ACY3: variants seen among roughly 807,000 people sequenced by gnomAD.
ACY3 encodes aminoacylase 3.
Under a neutral mutation model 24.6 loss-of-function variants are expected in ACY3, and 20 were observed. The observed-to-expected ratio is 0.81, with a 90% CI of 0.57 to 1.18. The LOEUF is 1.18. ACY3 is among the 50% of genes most tolerant of loss of function. The pLI is 0.00. For synonymous variants in ACY3, 174 were observed against 188.4 expected (o/e 0.92, Z 0.62); for missense variants, 423 against 426.8 (o/e 0.99, Z 0.08).
chr11:67,643,372 A>G (rs1028682410), intron 7 of ACY3, among the ~76,000 whole-genome samples: 1 of 152,262 alleles, frequency 6.6e-6, no homozygotes, highest in Non-Finnish European at 1.5e-5. Flanking sequence ...GGTAAGTACA[A>G]TATGATTCTT....
At position 67,650,625 on chromosome 11, in the gene ACY3, C is replaced by A. The variant is rs1855610378; in HGVS notation, c.-137G>T. 6.6e-6 allele frequency: 1 copy of A among 152,208 alleles called. No homozygotes were observed. The highest frequency in any genetic ancestry group is 6.5e-5 in the Admixed American group (1 of 15,280). The allele number at this position is 152,208 out of a possible 1,614,324, so 9.4% of individuals were successfully genotyped here. ...GTTGAGGGTGACTCCCGGGGATCTT[C>A]TGCTTGCTGCGTGGCCCGTGGGGCT... On this transcript the variant is annotated 5_prime_UTR_variant, in exon 1 of 8. Coordinates refer to ENST00000255082, the MANE Select transcript of ACY3 (RefSeq NM_080658.2).
At position 67,642,567 on chromosome 11, in the gene ACY3, C is replaced by T; in HGVS notation, c.*157G>A. The T allele has an allele frequency of 4.1e-6, 3 of 723,502 alleles. No individual in the cohort carries two copies. The highest frequency in any genetic ancestry group is 7.1e-6 in the Non-Finnish European group (3 of 421,020). The allele number at this position is 723,502 out of a possible 1,614,324, so 44.8% of individuals were successfully genotyped here. A position where few individuals can be genotyped will look rare whatever the true frequency, so the allele number is the denominator to read the frequency against. ...CAAACCATGGACCTCTGGACATCTT[C>T]CATTTTATAGAAAGGGAAATTGAGG... On this transcript the variant is annotated 3_prime_UTR_variant, in exon 8 of 8. Coordinates refer to ENST00000255082, the MANE Select transcript of ACY3 (RefSeq NM_080658.2).
In ACY3 at chr11:67,645,033, C is replaced by T. The variant is rs1855484032; in HGVS notation, c.634+12G>A. 1.9e-6 allele frequency: 3 copies of T among 1,613,346 alleles called. No individual in the cohort carries two copies. Among genetic ancestry groups the T allele is most frequent in the South Asian group, 1.1e-5 (1 of 91,086 alleles). On this transcript the variant is annotated intron_variant, in intron 6 of 7. Coordinates refer to ENST00000255082, the MANE Select transcript of ACY3 (RefSeq NM_080658.2). Reference sequence around the variant, plus strand: ...CCCGGACCTGTTTCCCGAAAGTCCCCTGGGGTCTCACCCTGGTTGAAGAGT... The same window carrying T: ...CCCGGACCTGTTTCCCGAAAGTCCCTTGGGGTCTCACCCTGGTTGAAGAGT...
chr11:67,646,010 T>C, intron 3 of ACY3, 123 bp from the exon 4 acceptor site: 2 of 959,750 alleles, frequency 2.1e-6, no homozygotes, highest in Non-Finnish European at 3.1e-6. Flanking sequence ...GGGCTTTCCC[T>C]TCAGACGTTG....
chr11:67,647,024 G>C lies in ACY3; in HGVS notation c.20C>G (p.Pro7Arg). ...AGCCACGCGACGCAGGGGCTCCCGG[G>C]GCACAGGCAGTGAGCACATGCTGGT... is the stretch of plus-strand genomic sequence containing the variant. MCSLPV[P>R]REPLRRVAVT... The change falls in exon 3 of 8, where the codon CCC (proline) becomes CGC (arginine). Residue 7 changes from proline to arginine, a missense_variant. Pro to Arg is a moderately radical substitution (Grantham distance 103). Transcript: ENST00000255082. The C allele has an allele frequency of 6.5e-7, 1 of 1,537,512 alleles. No individual in the cohort carries two copies.
intron 1 of ACY3, among the ~76,000 whole-genome samples, chr11:67,648,419 G>C (rs75228064): frequency 0.1 from 15,706 of 152,212 alleles, 872 homozygotes; most frequent in East Asian, 0.13. Context: ...AAGGATGAAG[G>C]TGAGGTCCCC....
intron 3 of ACY3, 39 bp downstream of exon 3, chr11:67,646,769 C>T: frequency 6.3e-7 from 1 of 1,591,246 alleles, no homozygotes; most frequent in Non-Finnish European, 8.6e-7. Context: ...GGACTCGGTG[C>T]CCAACTGCCT....
rs1855477135 is a variant in ACY3 at position 67,644,806 on chromosome 11, CG to C, written c.697del (p.Arg233AlafsTer79). On this transcript the variant is annotated frameshift_variant, in exon 7 of 8. Transcript: ENST00000255082. LOFTEE classifies it low-confidence loss of function (END_TRUNC). ...YRPVGVVDFP[R>X]TEAGHLAGTV... Reference sequence around the variant, plus strand: ...GCCTGCCAGGTGCCCGGCCTCGGTGCGGGGGAAGTCCACGACGCCCACGGGT... The same window carrying C: ...GCCTGCCAGGTGCCCGGCCTCGGTGCGGGGAAGTCCACGACGCCCACGGGT... 2 of 1,569,980 alleles carry C rather than the reference CG, an allele frequency of 1.3e-6. No individual in the cohort carries two copies. Among genetic ancestry groups the C allele is most frequent in the Non-Finnish European group, 8.6e-7 (1 of 1,157,874 alleles).
At chr11:67,649,641 T>TGC (rs1855582342) in intron 1 of ACY3, among the ~76,000 whole-genome samples, 1 of 149,606 alleles carries the variant, frequency 6.7e-6, no homozygotes, top group Admixed American at 6.6e-5. Flanking sequence ...AGCATGCGTG[T>TGC]GTGCGTGCGT....
chr11:67,643,588 G>A lies in ACY3; in HGVS notation c.745-649C>T, dbSNP rs1855450624. Among the ~76,000 whole-genome samples the A allele has an allele frequency of 2.6e-5, 4 of 152,132 alleles. No homozygotes were observed. In the South Asian group the frequency reaches 8.3e-4, roughly 31 times the overall value. On this transcript the variant is annotated intron_variant, in intron 7 of 7. Transcript: ENST00000255082. ...AGCTATTCGGGAGGCTGAGGCAGGA[G>A]AATCGCTTGAACTCAGGAGGCGGAG...
chr11:67,642,918 G>T lies in ACY3; in HGVS notation c.766C>A (p.Gln256Lys). The stretch of plus-strand genomic sequence containing the variant: ...ATCTGGAAGATGGGAGCACCAGGCT[G>T]CAGTGGCTGGAAGTCTCGGTCCTGG... ...QLQDRDFQPL[Q>K]PGAPIFQMFS... The change falls in exon 8 of 8, where the codon CAG becomes AAG. Residue 256 changes from glutamine to lysine, a missense_variant. Physicochemically the swap from Gln to Lys is moderately conservative, Grantham distance 53. Coordinates refer to ENST00000255082, the MANE Select transcript of ACY3 (RefSeq NM_080658.2). 6.2e-7 allele frequency: 1 copy of T among 1,613,856 alleles called. No homozygotes were observed. The highest frequency in any genetic ancestry group is 8.5e-7 in the Non-Finnish European group (1 of 1,180,004).
chr11:67,648,484 G>A (rs117523325), intron 1 of ACY3, among the ~76,000 whole-genome samples: 4,463 of 152,246 alleles, frequency 0.029, 91 homozygotes, highest in Non-Finnish European at 0.041. Flanking sequence ...CTGCTGGGAG[G>A]AGCTGAGGCC....
chr11:67,645,536 G>C (rs1259942188), intron 4 of ACY3, among the ~76,000 whole-genome samples, 156 bp from the exon 5 acceptor site: 1 of 152,142 alleles, frequency 6.6e-6, no homozygotes, highest in Non-Finnish European at 1.5e-5. Flanking sequence ...CCGGGGGCCT[G>C]GAGTGCTGGC....
intron 7 of ACY3, among the ~76,000 whole-genome samples, chr11:67,644,392 C>T (rs561650361): frequency 7.9e-5 from 12 of 152,286 alleles, no homozygotes; most frequent in Non-Finnish European, 1.5e-4. Context: ...AATTGAAAAT[C>T]AGAAGAGAGT....
chr11:67,643,133 G>A (rs1349422922), intron 7 of ACY3, among the ~76,000 whole-genome samples, 194 bp from the exon 8 acceptor site: 4 of 152,232 alleles, frequency 2.6e-5, no homozygotes, highest in Non-Finnish European at 5.9e-5. Flanking sequence ...TGAAGACACA[G>A]GTCACCTTGG....
At chr11:67,646,756 T>A in intron 3 of ACY3, 52 bp downstream of exon 3, 1 of 1,557,636 alleles carries the variant, frequency 6.4e-7, no homozygotes, top group South Asian at 1.2e-5. Context: ...AGTTTTGTGG[T>A]GGGGACTCGG....
In ACY3 at chr11:67,645,814, C is replaced by G; in HGVS notation, c.310G>C (p.Ala104Pro). 6.2e-7 allele frequency: 1 copy of G among 1,613,822 alleles called. No individual in the cohort carries two copies. The highest frequency in any genetic ancestry group is 8.5e-7 in the Non-Finnish European group (1 of 1,179,868). The change falls in exon 4 of 8, where the codon GCC (alanine) becomes CCC (proline). Residue 104 changes from alanine to proline, a missense_variant. Transcript: ENST00000255082. ...RELNQLLGPK[A>P]SGQAFDFVLD... ...ACAAAGTCAAAGGCCTGGCCCGAGG[C>G]CTTGGGCCCCAGCAGCTGGTTCAGC...
In ACY3 at chr11:67,645,898, G is replaced by T; in HGVS notation, c.237-11C>A. ...GGGGTGGGCCTGGAACTGTGGAGAC[G>T]GGAATGGGGGACACCGATCTTCACA... On this transcript the variant is annotated splice_polypyrimidine_tract_variant and intron_variant, in intron 3 of 7. Coordinates refer to ENST00000255082, the MANE Select transcript of ACY3 (RefSeq NM_080658.2). 1 of 1,575,578 alleles carries T rather than the reference G, an allele frequency of 6.3e-7. No individual in the cohort carries two copies. Among genetic ancestry groups the T allele is most frequent in the Non-Finnish European group, 8.6e-7 (1 of 1,159,822 alleles).
intron 1 of ACY3, among the ~76,000 whole-genome samples, chr11:67,649,206 G>T (rs1454441911): frequency 6.6e-6 from 1 of 152,130 alleles, no homozygotes; most frequent in Non-Finnish European, 1.5e-5. Flanking sequence ...CCCCCATGCT[G>T]CTTTATGAGT....
Sources: gnomAD v4.1 joint callset for allele counts (sites outside exome capture counted in the v4.1 genomes callset) on GRCh38, gnomAD v4.1.1 for gene constraint, MANE v1.5 for transcripts, NCBI Gene and HGNC (gene_info 2026-07-23, HGNC 2026-07-21) for gene names.